The following SSBP3 variants were observed in gnomAD, a reference collection of about 807,000 sequenced individuals.
The protein encoded by SSBP3 is single-stranded DNA-binding protein 3.
A neutral mutation model predicts 69.6 loss-of-function variants in SSBP3; 5 were observed. That is an observed-to-expected ratio of 0.07 (90% CI 0.04 to 0.15). SSBP3 has a LOEUF of 0.15. Among genes scored for constraint, SSBP3 ranks in the 10% least tolerant of loss-of-function variants. The pLI is 1.00. For synonymous variants in SSBP3, 196 were observed against 193.4 expected, an observed-to-expected ratio of 1.01 and a Z score of -0.11; for missense variants, 312 against 534.0, an observed-to-expected ratio of 0.58 and a Z score of 4.10.
At chr1:54,255,341 G>T (rs1434045761) in intron 7 of SSBP3, among the ~76,000 whole-genome samples, 1 of 152,186 alleles carries the variant, frequency 6.6e-6, no homozygotes, top group Non-Finnish European at 1.5e-5. Flanking sequence ...TTATGATAAG[G>T]AAGTAGCTCC....
At chr1:54,402,525 C>A (rs1050239469) in intron 3 of SSBP3, among the ~76,000 whole-genome samples, 1 of 152,068 alleles carries the variant, frequency 6.6e-6, no homozygotes, top group Non-Finnish European at 1.5e-5. Flanking sequence ...ACCTCACCCC[C>A]ACTCCCACCC....
chr1:54,364,282 T>C (rs1045389594), intron 4 of SSBP3, among the ~76,000 whole-genome samples: 2 of 152,206 alleles, frequency 1.3e-5, no homozygotes, highest in African/African-American at 4.8e-5. Flanking sequence ...TGGTCCTTTA[T>C]AGAAAAAGTT....
At chr1:54,393,909 A>G (rs1648673265) in intron 4 of SSBP3, among the ~76,000 whole-genome samples, 6 of 152,010 alleles carry the variant, frequency 3.9e-5, no homozygotes, top group Admixed American at 3.9e-4. Flanking sequence ...ACAGGCGCCC[A>G]CCACCACGTC....
intron 4 of SSBP3, among the ~76,000 whole-genome samples, chr1:54,338,206 G>A (rs1000220870): frequency 2.0e-5 from 3 of 152,214 alleles, no homozygotes; most frequent in South Asian, 4.1e-4. Context: ...TCACAGCCTC[G>A]GTGCCCCTAC....
chr1:54,239,857 C>T (rs1235344587), intron 13 of SSBP3, among the ~76,000 whole-genome samples: 1 of 152,042 alleles, frequency 6.6e-6, no homozygotes, highest in African/African-American at 2.4e-5. Context: ...AGAGTCCCCT[C>T]CATCTCCCCA....
chr1:54,385,822 AGGTTACACTGTGGATG>A (rs1648039173), intron 4 of SSBP3, among the ~76,000 whole-genome samples: 1 of 152,220 alleles, frequency 6.6e-6, no homozygotes, highest in South Asian at 2.1e-4. Flanking sequence ...CAACTGGCAC[AGGTTACACTGTGGATG>A]GGGGCGCTCT....
In SSBP3 at chr1:54,320,380, C is replaced by T. The variant is rs182583842; in HGVS notation, c.277-38853G>A. On this transcript the variant is annotated intron_variant, in intron 4 of 17. Transcript: ENST00000610401. ...TTACTCTGTCTGGAGTGCAATGACGCGATCTTGGCTCTTTGCAACCTCCGC... is the reference window on the plus strand; with the variant it reads ...TTACTCTGTCTGGAGTGCAATGACGTGATCTTGGCTCTTTGCAACCTCCGC... Among the ~76,000 whole-genome samples the T allele has an allele frequency of 2.1e-3, 323 of 152,236 alleles. 1 individual carries two copies. Among genetic ancestry groups the T allele is most frequent in the Non-Finnish European group, 4.0e-3 (271 of 68,012 alleles).
intron 4 of SSBP3, among the ~76,000 whole-genome samples, chr1:54,338,634 C>G (rs947906421): frequency 6.6e-6 from 1 of 152,218 alleles, no homozygotes; most frequent in Non-Finnish European, 1.5e-5. Context: ...TCCATACATA[C>G]CCAGGCAGCC....
chr1:54,233,292 A>C (rs1644416499), intron 14 of SSBP3, among the ~76,000 whole-genome samples: 1 of 144,938 alleles, frequency 6.9e-6, no homozygotes, highest in Non-Finnish European at 1.5e-5. Context: ...GGATGTGAGG[A>C]GCGCCTCTGC....
intron 4 of SSBP3, among the ~76,000 whole-genome samples, chr1:54,331,486 CAA>C (rs1204283746): frequency 6.6e-6 from 1 of 152,192 alleles, no homozygotes. Context: ...AAGACAGTGA[CAA>C]AGAGAGTTTT....
chr1:54,314,181 G>A (rs905299406), intron 4 of SSBP3, among the ~76,000 whole-genome samples: 2 of 152,190 alleles, frequency 1.3e-5, no homozygotes, highest in Non-Finnish European at 2.9e-5. Flanking sequence ...CAGCACCCAA[G>A]GTAAAACGTA....
chr1:54,241,760 A>G (rs1644642683), intron 11 of SSBP3, among the ~76,000 whole-genome samples: 1 of 152,232 alleles, frequency 6.6e-6, no homozygotes, highest in African/African-American at 2.4e-5. Context: ...CAGGGAGGAC[A>G]TAGAAGGCCC....
chr1:54,330,189 G>A (rs1419162275), intron 4 of SSBP3, among the ~76,000 whole-genome samples: 1 of 152,114 alleles, frequency 6.6e-6, no homozygotes, highest in Non-Finnish European at 1.5e-5. Flanking sequence ...TGAGCCAGAA[G>A]GAAATCTGGG....
chr1:54,392,613 C>T (rs755748192), intron 4 of SSBP3, among the ~76,000 whole-genome samples: 6 of 152,216 alleles, frequency 3.9e-5, no homozygotes, highest in Non-Finnish European at 8.8e-5. Flanking sequence ...TGCTTCACCA[C>T]GTGCCCCTTG....
chr1:54,312,425 A>G (rs1646020277), intron 4 of SSBP3, among the ~76,000 whole-genome samples: 1 of 151,586 alleles, frequency 6.6e-6, no homozygotes, highest in African/African-American at 2.4e-5. Context: ...CCTCGTCTCT[A>G]TTAAAAATAT....
At chr1:54,230,218 T>C (rs569868105) in intron 14 of SSBP3, among the ~76,000 whole-genome samples, 7 of 152,164 alleles carry the variant, frequency 4.6e-5, no homozygotes, top group Admixed American at 1.3e-4. Context: ...TCCTTGCCTC[T>C]CCAGTGGGCC....
At chr1:54,333,186 G>A (rs1646450615) in intron 4 of SSBP3, among the ~76,000 whole-genome samples, 1 of 152,182 alleles carries the variant, frequency 6.6e-6, no homozygotes, top group Non-Finnish European at 1.5e-5. Flanking sequence ...CTACGTGGGT[G>A]TGCCTGGAGA....
At chr1:54,379,019 C>T (rs1446215368) in intron 4 of SSBP3, among the ~76,000 whole-genome samples, 1 of 152,212 alleles carries the variant, frequency 6.6e-6, no homozygotes, top group Non-Finnish European at 1.5e-5. Context: ...CCCGCCACCG[C>T]CTGGCCAGGT....
At chr1:54,408,138 C>G (rs936465292), upstream of SSBP3, among the ~76,000 whole-genome samples, 1 of 152,062 alleles carries the variant, frequency 6.6e-6, no homozygotes, top group Non-Finnish European at 1.5e-5. Flanking sequence ...CTTCCAGGAC[C>G]CAGCGCTCAC....
Sources: gnomAD v4.1 joint callset for allele counts (sites outside exome capture counted in the v4.1 genomes callset) on GRCh38, gnomAD v4.1.1 for gene constraint, MANE v1.5 for transcripts, NCBI Gene and HGNC (gene_info 2026-07-23, HGNC 2026-07-21) for gene names.